SLC5A5: variants seen among roughly 807,000 people sequenced by gnomAD.
SLC5A5 encodes sodium/iodide cotransporter.
A neutral mutation model predicts 68.6 loss-of-function variants in SLC5A5; 56 were observed. That is an observed-to-expected ratio of 0.82 (90% CI 0.66 to 1.02). The LOEUF (loss-of-function observed/expected upper bound fraction) is 1.02. Ranked by LOEUF, SLC5A5 falls within the 50% of genes least tolerant of loss-of-function variation. SLC5A5 has a pLI of 0.00. For synonymous variants in SLC5A5, 398 were observed against 373.0 expected (o/e 1.07, Z -0.77); for missense variants, 807 against 859.8 (o/e 0.94, Z 0.77).
chr19:17,892,654 G>GAGAA (rs2030221374), intron 14 of SLC5A5, among the ~76,000 whole-genome samples: 1 of 70,350 alleles, frequency 1.4e-5, no homozygotes, highest in Non-Finnish European at 2.5e-5. Context: ...AGAAAAGACA[G>GAGAA]AGAGAGAGAG....
chr19:17,881,946 C>T lies in SLC5A5; in HGVS notation c.1059-14C>T. On this transcript the variant is annotated splice_polypyrimidine_tract_variant and intron_variant, in intron 8 of 14. Transcript: ENST00000222248. The stretch of plus-strand genomic sequence containing the variant: ...CATATGGCCTGAGGACCCCCCGCTG[C>T]CTTCCTCACACAGCACAGCATCCAC... 6.2e-7 allele frequency: 1 copy of T among 1,600,190 alleles called. No individual in the cohort carries two copies.
intron 10 of SLC5A5, among the ~76,000 whole-genome samples, chr19:17,883,273 C>CT (rs370220838): frequency 7.1e-6 from 1 of 140,002 alleles, no homozygotes; most frequent in African/African-American, 2.7e-5. Context: ...CATCAGGGGA[C>CT]TTTTTTGCAG....
chr19:17,874,878 T>A, intron 4 of SLC5A5, 147 bp downstream of exon 4: 1 of 786,818 alleles, frequency 1.3e-6, no homozygotes, highest in East Asian at 2.7e-5. Flanking sequence ...AAAAATGATC[T>A]GAAAAGCTTA....
intron 12 of SLC5A5, among the ~76,000 whole-genome samples, chr19:17,885,682 TAAG>T (rs985946252): frequency 3.2e-4 from 48 of 151,956 alleles, no homozygotes; most frequent in Non-Finnish European, 6.6e-4. Flanking sequence ...TTCCTGGTCA[TAAG>T]AACATTTTTA....
chr19:17,894,084 G>T lies in SLC5A5; in HGVS notation c.*207G>T. ...CAGCCCCTTGCTTCAACCGTCCCCA[G>T]TATTAGACGCTGCAGCCCTGACGGC... On this transcript the variant is annotated 3_prime_UTR_variant, in exon 15 of 15. Transcript: ENST00000222248. The T allele has an allele frequency of 1.8e-6, 1 of 554,082 alleles. No individual in the cohort carries two copies. The highest frequency in any genetic ancestry group is 3.2e-6 in the Non-Finnish European group (1 of 310,048). 34.3% of individuals were successfully genotyped at this position (554,082 alleles called of 1,614,324 possible). A position where few individuals can be genotyped will look rare whatever the true frequency, so the allele number is the denominator to read the frequency against.
At chr19:17,884,161 G>T (rs2094328170) in intron 12 of SLC5A5, 115 bp downstream of exon 12, 1 of 988,186 alleles carries the variant, frequency 1.0e-6, no homozygotes, top group Non-Finnish European at 1.5e-6. Flanking sequence ...TGCATTCCTG[G>T]GGGAGGGAAC....
chr19:17,872,261 T>C lies in SLC5A5; in HGVS notation c.-59T>C. 2.7e-6 allele frequency: 2 copies of C among 746,068 alleles called. No individual in the cohort carries two copies. Among genetic ancestry groups the C allele is most frequent in the Admixed American group, 2.4e-5 (1 of 41,114 alleles). The allele number at this position is 746,068 out of a possible 1,614,324, so 46.2% of individuals were successfully genotyped here. ...TCCTGCCTCCTCGGCCCCTGCCAGC[T>C]TCCCCCGCTTGAGCACGCAGGGCGT... On this transcript the variant is annotated 5_prime_UTR_variant, in exon 1 of 15. Transcript: ENST00000222248.
intron 13 of SLC5A5, 57 bp from the exon 14 acceptor site, chr19:17,890,829 A>G (rs2030137275): frequency 8.3e-7 from 1 of 1,201,638 alleles, no homozygotes; most frequent in African/African-American, 1.5e-5. Flanking sequence ...CTGGTCTCCA[A>G]CCCCCATGAC....
At chr19:17,888,113 T>G (rs1463954272) in intron 12 of SLC5A5, among the ~76,000 whole-genome samples, 1 of 152,090 alleles carries the variant, frequency 6.6e-6, no homozygotes, top group African/African-American at 2.4e-5. Context: ...ATTTTAGTAA[T>G]GTGCCCTTTG....
Position 17,872,539 on chromosome 19 carries a change from C to T in SLC5A5, c.220C>T (p.Leu74=), listed in dbSNP as rs1254383532. Residue 74 remains leucine, a synonymous_variant, in exon 1 of 15, where the codon CTG becomes TTG. Transcript: ENST00000222248. ...CAGCTTCATGTCGGCCGTGCAGGTG[C>T]TGGGCGTGCCGTCGGAGGCCTATCG... The part of the protein sequence containing the change: ...SASFMSAVQV[L]GVPSEAYRYG... 6.2e-7 allele frequency: 1 copy of T among 1,612,780 alleles called. No homozygotes were observed. The highest frequency in any genetic ancestry group is 1.7e-5 in the Admixed American group (1 of 60,018).
intron 13 of SLC5A5, among the ~76,000 whole-genome samples, chr19:17,888,699 C>T (rs2030029710): frequency 6.6e-6 from 1 of 151,286 alleles, no homozygotes; most frequent in Admixed American, 6.6e-5. Flanking sequence ...GTGGTGTGAT[C>T]TCAGTTCATT....
intron 5 of SLC5A5, 51 bp downstream of exon 5, chr19:17,876,157 C>T (rs531817106): frequency 1.4e-4 from 226 of 1,594,150 alleles, no homozygotes; most frequent in Middle Eastern, 9.6e-4. Context: ...GGGACCAGTG[C>T]GGTGGCTCAT....
rs1330411617 is a variant in SLC5A5, at chr19:17,877,777, C to T, written c.753C>T (p.Gly251=). ...CATTCTGGACTTTTGTGGTGGGTGG[C>T]ACGTTGGTGTGGCTCTCCATGTATG... ...RYTFWTFVVG[G]TLVWLSMYGV... The change falls in exon 6 of 15, where the codon GGC becomes GGT. Residue 251 remains glycine, a synonymous_variant. Transcript: ENST00000222248. The T allele has an allele frequency of 1.5e-5, 24 of 1,614,226 alleles. No individual in the cohort carries two copies. The highest frequency in any genetic ancestry group is 2.0e-5 in the Non-Finnish European group (24 of 1,180,030).
chr19:17,879,633 A>C (rs1332774077), intron 7 of SLC5A5, among the ~76,000 whole-genome samples: 1 of 152,194 alleles, frequency 6.6e-6, no homozygotes, highest in Non-Finnish European at 1.5e-5. Context: ...CATGGGGTTC[A>C]GAGTTAGCAG....
In SLC5A5 at chr19:17,893,702, C is replaced by T. The variant is rs188874441; in HGVS notation, c.1768-11C>T. ...TCTCTGATGGGGTCTCTTTTTCCCA[C>T]TTTTCCCCAGGGTCCTGAAGAACTC... On this transcript the variant is annotated splice_polypyrimidine_tract_variant and intron_variant, in intron 14 of 14. Transcript: ENST00000222248. The T allele has an allele frequency of 4.5e-4, 726 of 1,613,252 alleles. 1 individual carries two copies. The highest frequency in any genetic ancestry group is 8.5e-4 in the Admixed American group (51 of 59,934).
chr19:17,878,750 C>G (rs1254415206), intron 7 of SLC5A5, among the ~76,000 whole-genome samples: 1 of 151,804 alleles, frequency 6.6e-6, no homozygotes, highest in East Asian at 1.9e-4. Context: ...CCGAGACAGG[C>G]AGATCACTTG....
intron 12 of SLC5A5, among the ~76,000 whole-genome samples, chr19:17,886,309 CTT>C (rs34377658): frequency 2.6e-4 from 33 of 128,470 alleles, no homozygotes; most frequent in Admixed American, 2.5e-4. Flanking sequence ...AATTCTTTAA[CTT>C]TTTTTTTTTT....
intron 10 of SLC5A5, among the ~76,000 whole-genome samples, chr19:17,882,965 G>C (rs914406365): frequency 2.6e-5 from 4 of 152,106 alleles, no homozygotes; most frequent in African/African-American, 9.7e-5. Flanking sequence ...TTACAGGCGT[G>C]AGCCACCGCG....
chr19:17,880,012 G>A (rs1398948633), intron 7 of SLC5A5, among the ~76,000 whole-genome samples: 1 of 151,496 alleles, frequency 6.6e-6, no homozygotes, highest in African/African-American at 2.4e-5. Context: ...CCATTCTCTT[G>A]CCTCAGCCCC....
Sources: gnomAD v4.1 joint callset for allele counts (sites outside exome capture counted in the v4.1 genomes callset) on GRCh38, gnomAD v4.1.1 for gene constraint, MANE v1.5 for transcripts, NCBI Gene and HGNC (gene_info 2026-07-23, HGNC 2026-07-21) for gene names.